The following ADAMTS6 variants were observed in gnomAD, a reference collection of about 807,000 sequenced individuals.
The protein encoded by ADAMTS6 is ADAM metallopeptidase with thrombospondin type 1 motif 6, also known as A disintegrin and metalloproteinase with thrombospondin motifs 6.
ADAMTS6 carries 23 observed loss-of-function variants against 144.3 expected under a neutral mutation model. The ratio of observed to expected loss-of-function variants is 0.16; its 90% CI spans 0.11 to 0.23. The LOEUF is 0.23. ADAMTS6 is among the 10% of genes least tolerant of loss of function. ADAMTS6 has a pLI of 1.00. For missense variants in ADAMTS6, 999 were observed against 1,379.6 expected, an observed-to-expected ratio of 0.72 and a Z score of 4.37; for synonymous variants, 444 against 457.5, an observed-to-expected ratio of 0.97 and a Z score of 0.38.
At chr5:65,227,936 T>A (rs1020641630) in intron 15 of ADAMTS6, among the ~76,000 whole-genome samples, 2 of 152,170 alleles carry the variant, frequency 1.3e-5, no homozygotes, top group Non-Finnish European at 2.9e-5. Flanking sequence ...TGAGTCTATG[T>A]TTTCTTCCAT....
intron 14 of ADAMTS6, among the ~76,000 whole-genome samples, chr5:65,248,809 T>A (rs1759880063): frequency 6.6e-6 from 1 of 151,980 alleles, no homozygotes; most frequent in South Asian, 2.1e-4. Context: ...GAAACAAAGT[T>A]TTACTTTGTA....
chr5:65,207,382 C>A (rs1205396507), intron 20 of ADAMTS6, among the ~76,000 whole-genome samples: 1 of 152,036 alleles, frequency 6.6e-6, no homozygotes, highest in Admixed American at 6.5e-5. Context: ...TATAAAATAT[C>A]GTATGTATTT....
At chr5:65,285,790 T>G (rs182761303) in intron 11 of ADAMTS6, among the ~76,000 whole-genome samples, 4 of 152,324 alleles carry the variant, frequency 2.6e-5, no homozygotes, top group Admixed American at 2.0e-4. Context: ...AGAAAAGGCC[T>G]CATTTACATG....
intron 10 of ADAMTS6, among the ~76,000 whole-genome samples, chr5:65,296,644 T>C (rs1396191958): frequency 6.6e-6 from 1 of 152,210 alleles, no homozygotes; most frequent in Non-Finnish European, 1.5e-5. Flanking sequence ...AGAGGAAATG[T>C]AAGTGCTTTG....
chr5:65,281,040 C>A (rs1762950639), intron 11 of ADAMTS6, among the ~76,000 whole-genome samples: 2 of 152,092 alleles, frequency 1.3e-5, no homozygotes, highest in Admixed American at 1.3e-4. Context: ...AAGAAAGGAA[C>A]TAATTTTTTT....
At chr5:65,430,670 A>AG (rs1157396660) in intron 7 of ADAMTS6, among the ~76,000 whole-genome samples, 1 of 152,190 alleles carries the variant, frequency 6.6e-6, no homozygotes, top group Non-Finnish European at 1.5e-5. Context: ...CAGACAGGCA[A>AG]GGGGGTTCAA....
rs1758799080 is a variant in ADAMTS6 at position 65,452,207 on chromosome 5, G to C, written c.853C>G (p.Leu285Val). 1 of 1,612,700 alleles carries C rather than the reference G, an allele frequency of 6.2e-7. No individual in the cohort carries two copies. ...ILSVMNIVAKLYRDSSLGNVV... is the reference protein window; with the variant it reads ...ILSVMNIVAKVYRDSSLGNVV... ...TTTCCTAGGCTGGAATCACGGTAAAGTTTGGCAACCTGACCTCCAGAAAAT... is the reference window on the plus strand; with the variant it reads ...TTTCCTAGGCTGGAATCACGGTAAACTTTGGCAACCTGACCTCCAGAAAAT... Residue 285 changes from leucine to valine, a missense_variant, in exon 6 of 25, where the codon CTT (leucine) becomes GTT (valine). Physicochemically the swap from Leu to Val is conservative, Grantham distance 32 (BLOSUM62 1). This residue lies in a region of ADAMTS6 where 128 missense variants were observed against 249.0 expected (regional missense o/e 0.51). Transcript: ENST00000381055.
At position 65,320,352 on chromosome 5, in the gene ADAMTS6, A is replaced by T. The variant is rs1233456206; in HGVS notation, c.1223+9026T>A. Among the ~76,000 whole-genome samples, 4 of 152,208 alleles carry T rather than the reference A, an allele frequency of 2.6e-5. No individual in the cohort carries two copies. The East Asian group carries it at 7.7e-4, about 29-fold the overall frequency. ...AATTGAGTAATACTTGAAAGACATA[A>T]TTACAAAACAAGGACTCAGAAGATT... On this transcript the variant is annotated intron_variant, in intron 9 of 24. Coordinates refer to ENST00000381055, the MANE Select transcript of ADAMTS6 (RefSeq NM_197941.4).
At position 65,162,620 on chromosome 5, in the gene ADAMTS6, TACACACACACACACACACACACACACAC is replaced by T. The variant is rs10529076; in HGVS notation, c.3244+7969_3244+7996del. ...TTGTTGTCAGGATTATATAAGATACTACACACACACACACACACACACACACACACACACACACACTTGCAGAGAGAGA... is the reference window on the plus strand; with the variant it reads ...TTGTTGTCAGGATTATATAAGATACTACACACACACACTTGCAGAGAGAGA... On this transcript the variant is annotated intron_variant, in intron 24 of 24. Transcript: ENST00000381055. Among the ~76,000 whole-genome samples, 3 of 145,836 alleles carry T rather than the reference TACACACACACACACACACACACACACAC, an allele frequency of 2.1e-5. No individual in the cohort carries two copies. The East Asian group carries it at 6.1e-4, about 29-fold the overall frequency.
chr5:65,259,883 A>G (rs1019195332), intron 14 of ADAMTS6, among the ~76,000 whole-genome samples: 3 of 152,230 alleles, frequency 2.0e-5, no homozygotes, highest in Non-Finnish European at 2.9e-5. Context: ...GTCTAATGAC[A>G]TTAATTAAAA....
chr5:65,370,604 G>A (rs537613742), intron 7 of ADAMTS6, among the ~76,000 whole-genome samples: 7 of 152,190 alleles, frequency 4.6e-5, no homozygotes, highest in South Asian at 2.1e-4. Flanking sequence ...ATTATATCCC[G>A]CACCTGGATC....
intron 7 of ADAMTS6, among the ~76,000 whole-genome samples, chr5:65,361,801 A>G (rs1749846020): frequency 6.6e-6 from 1 of 151,328 alleles, no homozygotes; most frequent in Non-Finnish European, 1.5e-5. Context: ...TTGCATGATC[A>G]CGGCTCACTG....
chr5:65,188,284 T>G (rs983430762), intron 21 of ADAMTS6, 64 bp from the exon 22 acceptor site: 1 of 1,523,804 alleles, frequency 6.6e-7, no homozygotes, highest in Non-Finnish European at 9.0e-7. Flanking sequence ...GATTTTTAGC[T>G]AAGTGAAGGC....
chr5:65,458,460 G>A (rs918091357), intron 4 of ADAMTS6, among the ~76,000 whole-genome samples: 2 of 152,250 alleles, frequency 1.3e-5, no homozygotes, highest in Non-Finnish European at 1.5e-5. Flanking sequence ...CACCCTGGCT[G>A]GAGTGCAGTG....
In ADAMTS6 at chr5:65,151,965, A is replaced by T. The variant is rs866501611; in HGVS notation, c.3245-20T>A. The T allele has an allele frequency of 1.9e-6, 3 of 1,591,402 alleles. No individual in the cohort carries two copies. The Middle Eastern group carries it at 5.0e-4, about 265-fold the overall frequency. On this transcript the variant is annotated intron_variant, in intron 24 of 24. Coordinates refer to ENST00000381055, the MANE Select transcript of ADAMTS6 (RefSeq NM_197941.4). The stretch of plus-strand genomic sequence containing the variant: ...TGCACTCTAACGAATGGGGGCAGAA[A>T]ATGGAAAACAATTAGAGGCACATAA...
intron 11 of ADAMTS6, among the ~76,000 whole-genome samples, chr5:65,281,989 C>T (rs548551577): frequency 1.3e-5 from 2 of 152,150 alleles, no homozygotes; most frequent in East Asian, 3.9e-4. Context: ...TTAAAATTAG[C>T]AGCTTACACA....
chr5:65,262,598 A>AT (rs915508641), intron 13 of ADAMTS6, among the ~76,000 whole-genome samples: 8 of 152,124 alleles, frequency 5.3e-5, no homozygotes, highest in African/African-American at 1.9e-4. Context: ...AATACTTTCT[A>AT]TTTTTTACAT....
chr5:65,373,969 C>A (rs1201472025), intron 7 of ADAMTS6, among the ~76,000 whole-genome samples: 4 of 152,100 alleles, frequency 2.6e-5, no homozygotes, highest in Non-Finnish European at 4.4e-5. Flanking sequence ...CAAATCAGTA[C>A]ATGTAATCCA....
intron 24 of ADAMTS6, among the ~76,000 whole-genome samples, chr5:65,153,116 A>T (rs1322520960): frequency 6.6e-6 from 1 of 152,214 alleles, no homozygotes; most frequent in East Asian, 1.9e-4. Flanking sequence ...ATGGAAAATT[A>T]AGTACAAAGA....
Sources: allele counts gnomAD v4.1 joint callset (sites outside exome capture counted in the v4.1 genomes callset), GRCh38; gene constraint gnomAD v4.1.1; regional missense constraint gnomAD v4.1.1; transcripts MANE v1.5; gene names NCBI Gene and HGNC (gene_info 2026-07-23, HGNC 2026-07-21).